The following KCNT2 variants were observed in gnomAD, a reference collection of about 807,000 sequenced individuals.
KCNT2 encodes the protein potassium channel subfamily T member 2.
In KCNT2, 67 loss-of-function variants were observed where a neutral mutation model predicts 153.8. The observed-to-expected ratio is 0.44, with a 90% CI of 0.36 to 0.53. The LOEUF (loss-of-function observed/expected upper bound fraction) is 0.53, where lower values mean the gene tolerates loss of function less well. KCNT2 is among the 20% of genes least tolerant of loss of function. The probability of loss-of-function intolerance (pLI) is 0.00; values close to 1 mark genes in which losing one functional copy is unlikely to be tolerated. For synonymous variants in KCNT2, 500 were observed against 458.8 expected (o/e 1.09, Z -1.15); for missense variants, 975 against 1,354.8 (o/e 0.72, Z 4.40).
chr1:196,323,905 A>G (rs1448909495), intron 19 of KCNT2, among the ~76,000 whole-genome samples: 1 of 151,274 alleles, frequency 6.6e-6, no homozygotes, highest in Non-Finnish European at 1.5e-5. Context: ...TTTTTTTTGT[A>G]ATATTGTAGG....
At chr1:196,448,976 C>T (rs1387317768) in intron 8 of KCNT2, among the ~76,000 whole-genome samples, 3 of 151,646 alleles carry the variant, frequency 2.0e-5, no homozygotes, top group Non-Finnish European at 4.4e-5. Context: ...ATAAATTACA[C>T]AATGCTTTTA....
intron 1 of KCNT2, among the ~76,000 whole-genome samples, chr1:196,530,187 T>G (rs1654762208): frequency 6.6e-6 from 1 of 151,970 alleles, no homozygotes; most frequent in Non-Finnish European, 1.5e-5. Flanking sequence ...TTCATTAAAA[T>G]GTAGCAATAT....
At chr1:196,456,235 G>GTT (rs1462584205) in intron 8 of KCNT2, among the ~76,000 whole-genome samples, 1 of 151,490 alleles carries the variant, frequency 6.6e-6, no homozygotes, top group Non-Finnish European at 1.5e-5. Flanking sequence ...AAGTTTTCAT[G>GTT]TTTTTTTCTA....
chr1:196,388,383 A>C (rs903692795), intron 13 of KCNT2, among the ~76,000 whole-genome samples: 3 of 151,720 alleles, frequency 2.0e-5, no homozygotes, highest in African/African-American at 7.2e-5. Context: ...TGTTATGACT[A>C]TTATCTTTAC....
chr1:196,341,727 TTTAGAAATA>T (rs1665655076), intron 15 of KCNT2, among the ~76,000 whole-genome samples: 1 of 152,056 alleles, frequency 6.6e-6, no homozygotes, highest in Non-Finnish European at 1.5e-5. Flanking sequence ...ATGTACAGTT[TTTAGAAATA>T]TTAGTGTTAC....
rs371191323 is a variant in KCNT2 at position 196,228,282 on chromosome 1, C to T, written c.3350G>A (p.Arg1117Gln). Residue 1117 changes from arginine to glutamine, a missense_variant, in exon 28 of 28, where the codon CGA becomes CAA. Physicochemically the swap from Arg to Gln is conservative, Grantham distance 43 (BLOSUM62 1). Transcript: ENST00000294725. ...AGTGACATTGCAGATGCTGTTTCTT[C>T]GACTGGGCTCACTGTTTGGAAGGTA... is the stretch of plus-strand genomic sequence containing the variant. ...LAYLPNSEPS[R>Q]RNSICNVTGQ... 79 of 1,611,294 alleles carry T rather than the reference C, an allele frequency of 4.9e-5. No homozygotes were observed. Among genetic ancestry groups the T allele is most frequent in the African/African-American group, 1.2e-4 (9 of 74,860 alleles).
chr1:196,273,902 T>C (rs1658311412), intron 25 of KCNT2, among the ~76,000 whole-genome samples: 1 of 151,646 alleles, frequency 6.6e-6, no homozygotes, highest in South Asian at 2.1e-4. Flanking sequence ...ATGCTTTAAG[T>C]ATAAAAGTTT....
intron 1 of KCNT2, among the ~76,000 whole-genome samples, chr1:196,521,888 C>A (rs1235338072): frequency 6.6e-6 from 1 of 152,074 alleles, no homozygotes; most frequent in Non-Finnish European, 1.5e-5. Context: ...GTACAACAAA[C>A]CCCTATGACA....
chr1:196,254,712 TA>T (rs1419437155), intron 26 of KCNT2, among the ~76,000 whole-genome samples: 1 of 151,548 alleles, frequency 6.6e-6, no homozygotes, highest in African/African-American at 2.4e-5. Flanking sequence ...TGAGTAACAA[TA>T]ACAATTCTTT....
intron 27 of KCNT2, among the ~76,000 whole-genome samples, chr1:196,232,531 C>T (rs1654043955): frequency 6.6e-6 from 1 of 151,414 alleles, no homozygotes; most frequent in African/African-American, 2.4e-5. Flanking sequence ...TCTGGTTCCA[C>T]TGAAATTTAA....
chr1:196,433,179 T>C (rs1674314157), intron 8 of KCNT2, among the ~76,000 whole-genome samples: 1 of 152,114 alleles, frequency 6.6e-6, no homozygotes, highest in Non-Finnish European at 1.5e-5. Flanking sequence ...ATCTTGATCT[T>C]GGCCTTCACA....
rs1659701780 is a variant in KCNT2 at position 196,286,719 on chromosome 1, G to A, written c.2596-961C>T. On this transcript the variant is annotated intron_variant, in intron 22 of 27. Coordinates refer to ENST00000294725, the MANE Select transcript of KCNT2 (RefSeq NM_198503.5). Reference sequence around the variant, plus strand: ...GTTGGGGGGTGATATGGTGTATGAGGGTTTCTTTTTAAAAATTCTGTTGCA... The same window carrying A: ...GTTGGGGGGTGATATGGTGTATGAGAGTTTCTTTTTAAAAATTCTGTTGCA... Among the ~76,000 whole-genome samples, 4 of 151,576 alleles carry A rather than the reference G, an allele frequency of 2.6e-5. No homozygotes were observed. The South Asian group carries it at 8.3e-4, about 32-fold the overall frequency.
chr1:196,250,293 G>A (rs1447497875), intron 26 of KCNT2, among the ~76,000 whole-genome samples: 1 of 152,058 alleles, frequency 6.6e-6, no homozygotes, highest in Non-Finnish European at 1.5e-5. Flanking sequence ...CAGACACACA[G>A]ACCAATGGAA....
chr1:196,487,097 TTTAA>T (rs1368938148), intron 3 of KCNT2, among the ~76,000 whole-genome samples: 2 of 151,944 alleles, frequency 1.3e-5, no homozygotes, highest in African/African-American at 4.8e-5. Flanking sequence ...GAGTTGGCTC[TTTAA>T]TTAACATTCA....
At chr1:196,250,019 A>G (rs1272881760) in intron 26 of KCNT2, among the ~76,000 whole-genome samples, 4 of 152,142 alleles carry the variant, frequency 2.6e-5, no homozygotes, top group Non-Finnish European at 5.9e-5. Flanking sequence ...AAATGCCCAT[A>G]CTATCCAAAA....
At chr1:196,572,596 C>G (rs1441236498) in intron 1 of KCNT2, among the ~76,000 whole-genome samples, 1 of 152,008 alleles carries the variant, frequency 6.6e-6, no homozygotes, top group Non-Finnish European at 1.5e-5. Context: ...GGTGGGATTA[C>G]TTGTAGGTCA....
At chr1:196,584,310 AG>A (rs1662413096) in intron 1 of KCNT2, among the ~76,000 whole-genome samples, 2 of 152,194 alleles carry the variant, frequency 1.3e-5, no homozygotes, top group Middle Eastern at 6.8e-3. Context: ...GCCTCAAATA[AG>A]GGGAAATGTA....
At chr1:196,385,084 AAAGT>A (rs1468063118) in intron 13 of KCNT2, among the ~76,000 whole-genome samples, 2 of 152,210 alleles carry the variant, frequency 1.3e-5, no homozygotes, top group Non-Finnish European at 2.9e-5. Context: ...TTCTTAATGC[AAAGT>A]AAGCTTTATT....
At chr1:196,252,930 T>C (rs535692214) in intron 26 of KCNT2, among the ~76,000 whole-genome samples, 1 of 151,540 alleles carries the variant, frequency 6.6e-6, no homozygotes, top group South Asian at 2.1e-4. Flanking sequence ...ACATTTTACC[T>C]ATATTCCTCA....
Sources: gnomAD v4.1 joint callset for allele counts (sites outside exome capture counted in the v4.1 genomes callset) on GRCh38, gnomAD v4.1.1 for gene constraint, MANE v1.5 for transcripts, NCBI Gene and HGNC (gene_info 2026-07-23, HGNC 2026-07-21) for gene names.